DCLK1: variants seen among roughly 807,000 people sequenced by gnomAD.
DCLK1 encodes the protein doublecortin like kinase 1, also known as serine/threonine-protein kinase DCLK1.
A neutral mutation model predicts 86.2 loss-of-function variants in DCLK1; 16 were observed. The observed-to-expected ratio is 0.19, with a 90% CI of 0.13 to 0.28. The LOEUF (loss-of-function observed/expected upper bound fraction) is 0.28, where lower values mean the gene tolerates loss of function less well. Ranked by LOEUF, DCLK1 falls within the 10% of genes least tolerant of loss-of-function variation. The pLI is 1.00. For missense variants in DCLK1, 590 were observed against 940.2 expected (o/e 0.63, Z 4.87); for synonymous variants, 369 against 370.5 (o/e 1.00, Z 0.05).
At chr13:36,028,455 T>C (rs1326513729) in intron 3 of DCLK1, among the ~76,000 whole-genome samples, 1 of 152,174 alleles carries the variant, frequency 6.6e-6, no homozygotes, top group Non-Finnish European at 1.5e-5. Context: ...TCCAGCTTCA[T>C]ATGAGACTCC....
intron 3 of DCLK1, among the ~76,000 whole-genome samples, chr13:35,948,706 A>G (rs970483591): frequency 7.2e-5 from 11 of 152,206 alleles, no homozygotes; most frequent in Admixed American, 6.5e-5. Context: ...TGGAATTTCT[A>G]TAAGAGTTTG....
intron 3 of DCLK1, among the ~76,000 whole-genome samples, chr13:36,089,021 CT>C (rs1023928784): frequency 6.6e-6 from 1 of 152,056 alleles, no homozygotes; most frequent in African/African-American, 2.4e-5. Flanking sequence ...TTTATTCTAT[CT>C]TTTTTTTAAA....
chr13:35,799,555 G>GT (rs1010636227), intron 15 of DCLK1, among the ~76,000 whole-genome samples: 4 of 151,440 alleles, frequency 2.6e-5, no homozygotes, highest in East Asian at 1.9e-4. Context: ...CTGGCCCTCA[G>GT]TTTTTTTTTA....
At chr13:35,957,934 C>CA (rs1346928991) in intron 3 of DCLK1, among the ~76,000 whole-genome samples, 2 of 151,706 alleles carry the variant, frequency 1.3e-5, no homozygotes, top group Admixed American at 1.3e-4. Context: ...TAACCATCAC[C>CA]ACTACCACTA....
chr13:35,915,150 A>G (rs1875332214), intron 4 of DCLK1, among the ~76,000 whole-genome samples: 2 of 152,262 alleles, frequency 1.3e-5, no homozygotes, highest in Admixed American at 6.5e-5. Context: ...AGGCATTTGA[A>G]GCAATTTGTT....
chr13:35,980,484 G>A (rs913809045), intron 3 of DCLK1, among the ~76,000 whole-genome samples: 11 of 149,868 alleles, frequency 7.3e-5, no homozygotes, highest in African/African-American at 1.8e-4. Flanking sequence ...TGTTCCCCCC[G>A]GCAACTACTT....
chr13:36,045,219 G>A (rs1209256663), intron 3 of DCLK1, among the ~76,000 whole-genome samples: 2 of 145,468 alleles, frequency 1.4e-5, no homozygotes, highest in African/African-American at 5.0e-5. Context: ...CACATATCCA[G>A]CCATCTACCC....
At chr13:35,989,473 T>C (rs924487707) in intron 3 of DCLK1, among the ~76,000 whole-genome samples, 1 of 152,128 alleles carries the variant, frequency 6.6e-6, no homozygotes, top group Non-Finnish European at 1.5e-5. Flanking sequence ...GGTTTCACCA[T>C]GTTGGCCAGG....
intron 4 of DCLK1, among the ~76,000 whole-genome samples, chr13:35,930,268 G>A (rs2153128760): frequency 6.6e-6 from 1 of 152,242 alleles, no homozygotes; most frequent in East Asian, 1.9e-4. Context: ...TGTTTGGTGT[G>A]GGAAAACAAA....
intron 15 of DCLK1, among the ~76,000 whole-genome samples, chr13:35,802,413 C>A (rs2086940597): frequency 6.6e-6 from 1 of 151,958 alleles, no homozygotes; most frequent in Non-Finnish European, 1.5e-5. Flanking sequence ...CCTTTTAAGG[C>A]CACATGTCAA....
chr13:35,829,014 C>A (rs1593636017), intron 8 of DCLK1, among the ~76,000 whole-genome samples: 1 of 152,028 alleles, frequency 6.6e-6, no homozygotes, highest in African/African-American at 2.4e-5. Context: ...TCAGAGCTCC[C>A]TGGGGACCCC....
chr13:35,975,392 C>A (rs1879282838), intron 3 of DCLK1, among the ~76,000 whole-genome samples: 1 of 152,176 alleles, frequency 6.6e-6, no homozygotes, highest in African/African-American at 2.4e-5. Flanking sequence ...ACGGTGCCAA[C>A]CTGGGGTGCC....
At chr13:36,059,370 G>T (rs1000353404) in intron 3 of DCLK1, among the ~76,000 whole-genome samples, 1 of 151,778 alleles carries the variant, frequency 6.6e-6, no homozygotes, top group South Asian at 2.1e-4. Flanking sequence ...AAATATTAAT[G>T]CTAGAAACTT....
chr13:36,008,612 C>A (rs1881133509), intron 3 of DCLK1, among the ~76,000 whole-genome samples: 1 of 133,906 alleles, frequency 7.5e-6, no homozygotes, highest in Non-Finnish European at 1.6e-5. Context: ...TTTTCTTAAT[C>A]CAGTCTATCA....
intron 3 of DCLK1, among the ~76,000 whole-genome samples, chr13:35,989,324 T>A (rs902077649): frequency 1.3e-5 from 2 of 152,168 alleles, no homozygotes; most frequent in African/African-American, 4.8e-5. Flanking sequence ...CAGGCTGGAG[T>A]GCAGTGACAC....
intron 4 of DCLK1, among the ~76,000 whole-genome samples, chr13:35,900,596 C>A (rs7998974): frequency 0.09 from 13,624 of 152,146 alleles, 755 homozygotes; most frequent in African/African-American, 0.15. Flanking sequence ...CTGAGCATTG[C>A]GCAAGCTTAC....
chr13:35,914,916 A>G (rs192779486), intron 4 of DCLK1, among the ~76,000 whole-genome samples: 19 of 152,280 alleles, frequency 1.2e-4, no homozygotes, highest in African/African-American at 4.3e-4. Context: ...GAGGAAGGAG[A>G]TGACTTGAAG....
chr13:35,958,032 ACCACCACC>A (rs1566620240), intron 3 of DCLK1, among the ~76,000 whole-genome samples: 24 of 14,534 alleles, frequency 1.7e-3, no homozygotes, highest in South Asian at 0.01. Context: ...CACCACAACT[ACCACCACC>A]ACCACCATCA....
At chr13:35,904,610 C>T (rs563008502) in intron 4 of DCLK1, among the ~76,000 whole-genome samples, 89 of 152,272 alleles carry the variant, frequency 5.8e-4, no homozygotes, top group African/African-American at 2.0e-3. Flanking sequence ...GCATATAGCT[C>T]CTTGTCTATG....
Sources: gnomAD v4.1 joint callset for allele counts (sites outside exome capture counted in the v4.1 genomes callset) on GRCh38, gnomAD v4.1.1 for gene constraint, MANE v1.5 for transcripts, NCBI Gene and HGNC (gene_info 2026-07-23, HGNC 2026-07-21) for gene names.